CPNE8: variants seen among roughly 807,000 people sequenced by gnomAD.
The protein encoded by CPNE8 is copine 8, also known as copine-8.
Under a neutral mutation model 81.5 loss-of-function variants are expected in CPNE8, and 45 were observed. The ratio of observed to expected loss-of-function variants is 0.55; its 90% confidence interval spans 0.44 to 0.71. The LOEUF is 0.71. Ranked by LOEUF, CPNE8 falls within the 30% of genes least tolerant of loss-of-function variation. The pLI, the probability that CPNE8 is intolerant of heterozygous loss-of-function variation, is 0.00. For missense variants in CPNE8, 594 were observed against 672.1 expected, an observed-to-expected ratio of 0.88 and a Z score of 1.28; for synonymous variants, 252 against 226.3, an observed-to-expected ratio of 1.11 and a Z score of -1.02.
chr12:38,686,502 G>A (rs1044028366), intron 15 of CPNE8, among the ~76,000 whole-genome samples: 6 of 152,166 alleles, frequency 3.9e-5, no homozygotes, highest in Non-Finnish European at 8.8e-5. Context: ...ACAAGACCAT[G>A]TATTAGTTAT....
chr12:38,868,541 A>G (rs915912289), intron 3 of CPNE8, among the ~76,000 whole-genome samples: 1 of 152,166 alleles, frequency 6.6e-6, no homozygotes, highest in Non-Finnish European at 1.5e-5. Flanking sequence ...AAATAGAGAT[A>G]ATGAAGTTCA....
intron 1 of CPNE8, among the ~76,000 whole-genome samples, chr12:38,887,423 C>T (rs762150862): frequency 6.6e-6 from 1 of 152,100 alleles, no homozygotes; most frequent in Non-Finnish European, 1.5e-5. Context: ...GCCTTATATG[C>T]CTCTAAATAA....
At chr12:38,784,916 C>T (rs1942144082) in intron 6 of CPNE8, among the ~76,000 whole-genome samples, 1 of 152,028 alleles carries the variant, frequency 6.6e-6, no homozygotes, top group Non-Finnish European at 1.5e-5. Context: ...AGGACCTTGC[C>T]TGGTGCGGTG....
chr12:38,801,406 T>A (rs1270178689), intron 6 of CPNE8, among the ~76,000 whole-genome samples: 1 of 30,770 alleles, frequency 3.2e-5, no homozygotes, highest in South Asian at 1.1e-3. Flanking sequence ...CCAGCCAAAC[T>A]AAGCTTCATA....
intron 7 of CPNE8, 51 bp from the exon 8 acceptor site, chr12:38,767,789 G>T (rs1264528425): frequency 1.8e-6 from 2 of 1,087,636 alleles, no homozygotes; most frequent in East Asian, 5.7e-5. Context: ...TAAATAACTA[G>T]AAACTGCAGA....
chr12:38,797,624 C>T (rs1157192998), intron 6 of CPNE8, among the ~76,000 whole-genome samples: 2 of 152,106 alleles, frequency 1.3e-5, no homozygotes, highest in Non-Finnish European at 2.9e-5. Flanking sequence ...AAACTGGAAA[C>T]TCTAAAAAGC....
At chr12:38,905,289 G>T in intron 1 of CPNE8, 148 bp downstream of exon 1, 1 of 825,062 alleles carries the variant, frequency 1.2e-6, no homozygotes, top group Non-Finnish European at 1.9e-6. Flanking sequence ...CCTGACCCGG[G>T]GTAACTCCAG....
At position 38,848,603 on chromosome 12, in the gene CPNE8, A is replaced by C. The variant is rs1943594719; in HGVS notation, c.246T>G (p.Ile82Met). Reference sequence around the variant, plus strand: ...CTCTTTCTTCAAAAAAGTAGTCCAGAATAAACTTTCTTACAAAATCAGGAT... The same window carrying C: ...CTCTTTCTTCAAAAAAGTAGTCCAGCATAAACTTTCTTACAAAATCAGGAT... ...TLNPDFVRKF[I>M]LDYFFEEREN... Residue 82 changes from isoleucine to methionine, a missense_variant, in exon 4 of 20, where the codon ATT (isoleucine) becomes ATG (methionine). By Grantham distance (10) the Ile-to-Met change is conservative (BLOSUM62 1). Transcript: ENST00000331366. 1.3e-6 allele frequency: 2 copies of C among 1,595,548 alleles called. No homozygotes were observed. Among genetic ancestry groups the C allele is most frequent in the East Asian group, 4.5e-5 (2 of 44,512 alleles).
intron 3 of CPNE8, among the ~76,000 whole-genome samples, chr12:38,859,890 C>T (rs1261903915): frequency 6.6e-6 from 1 of 152,022 alleles, no homozygotes; most frequent in African/African-American, 2.4e-5. Context: ...ACTTATCCTA[C>T]ATCATACACA....
chr12:38,766,556 TC>T (rs1365933456), intron 8 of CPNE8, among the ~76,000 whole-genome samples: 1 of 152,084 alleles, frequency 6.6e-6, no homozygotes, highest in Non-Finnish European at 1.5e-5. Flanking sequence ...AACAAACATC[TC>T]CCAATAAGTA....
chr12:38,813,059 T>G (rs2136991190), intron 6 of CPNE8, among the ~76,000 whole-genome samples: 1 of 152,260 alleles, frequency 6.6e-6, no homozygotes, highest in Admixed American at 6.5e-5. Context: ...ATAAGATGTG[T>G]TTAGGAATAT....
intron 3 of CPNE8, among the ~76,000 whole-genome samples, chr12:38,866,890 G>A (rs900539701): frequency 4.6e-5 from 7 of 151,910 alleles, no homozygotes; most frequent in South Asian, 4.2e-4. Context: ...ACAAAGTATC[G>A]CTCTGTCACC....
chr12:38,685,442 C>T (rs373045704), intron 16 of CPNE8, 48 bp downstream of exon 16: 29 of 1,589,230 alleles, frequency 1.8e-5, no homozygotes, highest in Non-Finnish European at 2.4e-5. Flanking sequence ...TATGAGTTCA[C>T]CATGTTCCAG....
chr12:38,845,753 T>C (rs1252300482), intron 4 of CPNE8, among the ~76,000 whole-genome samples: 1 of 152,088 alleles, frequency 6.6e-6, no homozygotes, highest in Non-Finnish European at 1.5e-5. Flanking sequence ...TTCTAAAAAA[T>C]GGAAAATCAA....
chr12:38,802,804 A>G (rs1257974025), intron 6 of CPNE8, among the ~76,000 whole-genome samples: 2 of 139,114 alleles, frequency 1.4e-5, no homozygotes, highest in East Asian at 4.7e-4. Flanking sequence ...AATAGACACA[A>G]TAAAAAATGA....
At chr12:38,807,693 C>T (rs1313113098) in intron 6 of CPNE8, among the ~76,000 whole-genome samples, 18 of 151,006 alleles carry the variant, frequency 1.2e-4, no homozygotes, top group Non-Finnish European at 2.2e-4. Flanking sequence ...TAGGCATGGG[C>T]AAGGACTTCA....
At chr12:38,680,958 T>C (rs1303552246) in intron 16 of CPNE8, among the ~76,000 whole-genome samples, 1 of 151,820 alleles carries the variant, frequency 6.6e-6, no homozygotes, top group Non-Finnish European at 1.5e-5. Context: ...TAGAAACTGA[T>C]AGATCCCCCT....
At chr12:38,737,944 G>A (rs909380696) in intron 10 of CPNE8, among the ~76,000 whole-genome samples, 10 of 152,238 alleles carry the variant, frequency 6.6e-5, no homozygotes, top group Admixed American at 6.5e-4. Flanking sequence ...TCTTTTCAAT[G>A]GCGAATAGTC....
chr12:38,829,603 T>A (rs376271524), intron 5 of CPNE8, 148 bp from the exon 6 acceptor site: 1 of 587,640 alleles, frequency 1.7e-6, no homozygotes. Context: ...TCAATATGCA[T>A]TAATCTTACC....
Sources: gnomAD v4.1 joint callset for allele counts (sites outside exome capture counted in the v4.1 genomes callset) on GRCh38, gnomAD v4.1.1 for gene constraint, MANE v1.5 for transcripts, NCBI Gene and HGNC (gene_info 2026-07-23, HGNC 2026-07-21) for gene names.